Variants in HSD11B1 observed in about 807,000 individuals in gnomAD.
The protein encoded by HSD11B1 is 11-beta-hydroxysteroid dehydrogenase 1.
A neutral mutation model predicts 22.1 loss-of-function variants in HSD11B1; 15 were observed. That is an observed-to-expected ratio of 0.68 (90% CI 0.45 to 1.04). The LOEUF (loss-of-function observed/expected upper bound fraction) is 1.04, where lower values mean the gene tolerates loss of function less well. Ranked by LOEUF, HSD11B1 falls within the 50% of genes least tolerant of loss-of-function variation. The pLI is 0.00. For missense variants in HSD11B1, 281 were observed against 357.6 expected, an observed-to-expected ratio of 0.79 and a Z score of 1.73; for synonymous variants, 122 against 125.2, an observed-to-expected ratio of 0.97 and a Z score of 0.17.
chr1:209,707,135 G>A lies in HSD11B1; in HGVS notation c.517+7G>A. On this transcript the variant is annotated splice_region_variant and intron_variant, in intron 4 of 5. Coordinates refer to ENST00000367027, the MANE Select transcript of HSD11B1 (RefSeq NM_005525.4). Reference sequence around the variant, plus strand: ...GTCGTCTCCTCTCTGGCTGGTAAGTGGGACAGGGACATATGTGGAAGGTAG... The same window carrying A: ...GTCGTCTCCTCTCTGGCTGGTAAGTAGGACAGGGACATATGTGGAAGGTAG... 1 of 1,609,806 alleles carries A rather than the reference G, an allele frequency of 6.2e-7. No homozygotes were observed.
At chr1:209,721,992 G>C (rs146467209) in intron 4 of HSD11B1, among the ~76,000 whole-genome samples, 12 of 152,314 alleles carry the variant, frequency 7.9e-5, no homozygotes, top group African/African-American at 2.6e-4. Flanking sequence ...ACTGCCCTGA[G>C]CGTCGGTGGA....
At chr1:209,691,353 C>T (rs1474610525) in intron 1 of HSD11B1, among the ~76,000 whole-genome samples, 1 of 152,180 alleles carries the variant, frequency 6.6e-6, no homozygotes, top group Non-Finnish European at 1.5e-5. Flanking sequence ...AAACATCACT[C>T]CTGCATACAA....
upstream of HSD11B1, among the ~76,000 whole-genome samples, chr1:209,699,947 C>T (rs535149179): frequency 1.3e-5 from 2 of 152,350 alleles, no homozygotes; most frequent in South Asian, 4.1e-4. Context: ...CCAGGTTACA[C>T]TGATGCAAAA....
At chr1:209,722,127 T>C (rs2076970740) in intron 4 of HSD11B1, among the ~76,000 whole-genome samples, 1 of 152,206 alleles carries the variant, frequency 6.6e-6, no homozygotes, top group African/African-American at 2.4e-5. Flanking sequence ...TCTTCAAATC[T>C]ATTCTTTTAT....
At chr1:209,692,738 A>C (rs1267891783) in intron 1 of HSD11B1, among the ~76,000 whole-genome samples, 3 of 151,944 alleles carry the variant, frequency 2.0e-5, no homozygotes, top group Non-Finnish European at 4.4e-5. Flanking sequence ...GGCCAGAAAA[A>C]TCTTTGTCAG....
intron 4 of HSD11B1, among the ~76,000 whole-genome samples, chr1:209,714,599 T>C (rs777839121): frequency 6.6e-5 from 10 of 152,212 alleles, no homozygotes; most frequent in Non-Finnish European, 1.2e-4. Flanking sequence ...TTTCTAGGCC[T>C]TCGTGTCAGG....
intron 4 of HSD11B1, among the ~76,000 whole-genome samples, chr1:209,721,316 G>A (rs1000283): frequency 0.18 from 27,636 of 151,742 alleles, 2,624 homozygotes; most frequent in Non-Finnish European, 0.2. Context: ...CTCTGTGTAA[G>A]AAATGAACAC....
At chr1:209,715,404 T>C (rs2076923905) in intron 4 of HSD11B1, among the ~76,000 whole-genome samples, 1 of 151,802 alleles carries the variant, frequency 6.6e-6, no homozygotes, top group Non-Finnish European at 1.5e-5. Flanking sequence ...CTAAATATCA[T>C]TCTCCACTAA....
At position 209,734,367 on chromosome 1, in the gene HSD11B1, C is replaced by G. The variant is rs1407630548; in HGVS notation, c.725C>G (p.Ala242Gly). ...CAAGCAGCTCCAAAGGAGGAATGTG[C>G]CCTGGAGATCATCAAAGGGGGAGCT... ...HMQAAPKEEC[A>G]LEIIKGGALR... Residue 242 changes from alanine (A) to glycine (G), a missense_variant, in exon 6 of 6, where the codon GCC becomes GGC. Physicochemically the swap from Ala to Gly is moderately conservative, Grantham distance 60 (BLOSUM62 0). Transcript: ENST00000367027. The G allele has an allele frequency of 1.2e-6, 2 of 1,613,944 alleles. No homozygotes were observed. Among genetic ancestry groups the G allele is most frequent in the Non-Finnish European group, 1.7e-6 (2 of 1,179,998 alleles).
At position 209,734,498 on chromosome 1, in the gene HSD11B1, A is replaced by T. The variant is rs1227787786; in HGVS notation, c.856A>T (p.Met286Leu). ...ATTTCTCTACTCAACGAGCTATAAT[A>T]TGGACAGATTCATAAACAAGTAGGA... ...LEFLYSTSYN[M>L]DRFINK Residue 286 changes from methionine to leucine, a missense_variant, in exon 6 of 6, where the codon ATG becomes TTG. Met to Leu is a conservative substitution (Grantham distance 15). Coordinates refer to ENST00000367027, the MANE Select transcript of HSD11B1 (RefSeq NM_005525.4). The T allele has an allele frequency of 6.2e-7, 1 of 1,613,628 alleles. No homozygotes were observed. The highest frequency in any genetic ancestry group is 8.5e-7 in the Non-Finnish European group (1 of 1,179,726).
At chr1:209,704,168 C>T (rs36212444), upstream of HSD11B1, among the ~76,000 whole-genome samples, 1,557 of 152,170 alleles carry the variant, frequency 0.01, 33 homozygotes, top group African/African-American at 0.036. Context: ...TAGTTTAGTG[C>T]CTTTTTTGTC....
chr1:209,704,401 T>C (rs906438376), upstream of HSD11B1, among the ~76,000 whole-genome samples: 5 of 151,908 alleles, frequency 3.3e-5, no homozygotes, highest in Non-Finnish European at 5.9e-5. Context: ...ATTTTTTTTC[T>C]TAAGCTTATT....
chr1:209,688,097 G>A (rs186437689), intron 1 of HSD11B1, among the ~76,000 whole-genome samples: 2 of 152,318 alleles, frequency 1.3e-5, no homozygotes, highest in Admixed American at 1.3e-4. Context: ...GCTCTGGAGA[G>A]ACATGGCTAG....
chr1:209,700,250 G>T (rs2076818617), upstream of HSD11B1, among the ~76,000 whole-genome samples: 1 of 152,224 alleles, frequency 6.6e-6, no homozygotes, highest in African/African-American at 2.4e-5. Flanking sequence ...GAAAACTTTT[G>T]CTTGGGCATC....
At position 209,728,753 on chromosome 1, in the gene HSD11B1, C is replaced by CA. The variant is rs564380346; in HGVS notation, c.518-3677dup. On this transcript the variant is annotated intron_variant, in intron 4 of 5. Transcript: ENST00000367027. Reference sequence around the variant, plus strand: ...CAATTCCAGCCCCCATATCAATGCACAAAAAATGTGTTGGAAGAAAAAGAG... The same window carrying CA: ...CAATTCCAGCCCCCATATCAATGCACAAAAAAATGTGTTGGAAGAAAAAGAG... Among the ~76,000 whole-genome samples the CA allele has an allele frequency of 1.5e-3, 232 of 152,170 alleles. 1 individual carries two copies. Among genetic ancestry groups the CA allele is most frequent in the African/African-American group, 5.3e-3 (219 of 41,510 alleles).
chr1:209,721,470 A>G (rs2076966317), intron 4 of HSD11B1, among the ~76,000 whole-genome samples: 2 of 61,006 alleles, frequency 3.3e-5, no homozygotes, highest in East Asian at 8.8e-4. Flanking sequence ...TTTCAAAAGC[A>G]AAAAAAAAAA....
chr1:209,717,210 A>G, intron 4 of HSD11B1, among the ~76,000 whole-genome samples: 1 of 152,218 alleles, frequency 6.6e-6, no homozygotes, highest in East Asian at 1.9e-4. Flanking sequence ...AATAGGAAAA[A>G]AAACTATCTG....
intron 1 of HSD11B1, among the ~76,000 whole-genome samples, chr1:209,698,705 A>T (rs1035248304): frequency 2.0e-5 from 3 of 152,246 alleles, no homozygotes; most frequent in African/African-American, 7.2e-5. Flanking sequence ...CAACTACAAC[A>T]TGCTTAGAAC....
chr1:209,728,260 T>C (rs1369122565), intron 4 of HSD11B1, among the ~76,000 whole-genome samples: 1 of 152,242 alleles, frequency 6.6e-6, no homozygotes, highest in Non-Finnish European at 1.5e-5. Context: ...TGAATTTGTT[T>C]ATTAGAATGG....
Sources: gnomAD v4.1 joint callset for allele counts (sites outside exome capture counted in the v4.1 genomes callset) on GRCh38, gnomAD v4.1.1 for gene constraint, MANE v1.5 for transcripts, NCBI Gene and HGNC (gene_info 2026-07-23, HGNC 2026-07-21) for gene names.